Variants in ITGA2 observed in about 807,000 individuals in gnomAD.
ITGA2 encodes integrin alpha-2.
In ITGA2, 101 loss-of-function variants were observed where a neutral mutation model predicts 146.3. The ratio of observed to expected loss-of-function variants is 0.69; its 90% confidence interval spans 0.59 to 0.81. The LOEUF (loss-of-function observed/expected upper bound fraction) is 0.81, where lower values mean the gene tolerates loss of function less well. ITGA2 is among the 40% of genes least tolerant of loss of function. ITGA2 has a pLI of 0.00. For synonymous variants in ITGA2, 477 were observed against 487.1 expected (o/e 0.98, Z 0.27); for missense variants, 1,281 against 1,402.7 (o/e 0.91, Z 1.39).
intron 1 of ITGA2, among the ~76,000 whole-genome samples, chr5:53,008,040 T>C (rs1741942466): frequency 1.3e-5 from 2 of 152,040 alleles, no homozygotes; most frequent in Admixed American, 6.6e-5. Context: ...AAATAGTAAA[T>C]TGGAATTTTC....
intron 1 of ITGA2, among the ~76,000 whole-genome samples, chr5:52,995,413 G>T (rs1278709982): frequency 6.6e-6 from 1 of 152,176 alleles, no homozygotes; most frequent in Non-Finnish European, 1.5e-5. Flanking sequence ...TCAGATAGTG[G>T]CAGTAGGGAA....
At chr5:52,989,601 G>A in intron 1 of ITGA2, 69 bp downstream of exon 1, 3 of 1,548,000 alleles carry the variant, frequency 1.9e-6, no homozygotes, top group Non-Finnish European at 2.7e-6. Flanking sequence ...CTCGCTGGAG[G>A]GATTGGGCGG....
intron 1 of ITGA2, among the ~76,000 whole-genome samples, chr5:52,990,585 T>C (rs903276946): frequency 7.1e-6 from 1 of 140,862 alleles, no homozygotes; most frequent in African/African-American, 2.6e-5. Flanking sequence ...TTTTTTTTTT[T>C]TACAAAGAAG....
Position 53,065,905 on chromosome 5 carries a change from G to T in ITGA2, c.1871G>T (p.Gly624Val). The change falls in exon 15 of 30, where the codon GGC becomes GTC. Residue 624 changes from glycine (G) to valine (V), a missense_variant. By Grantham distance (109) the Gly-to-Val change is moderately radical (BLOSUM62 -3). Transcript: ENST00000296585. Reference protein sequence around the residue: ...HLQYFGRSLDGYGDLNGDSIT... With the variant: ...HLQYFGRSLDVYGDLNGDSIT... ...CAGTACTTTGGGAGGTCCTTGGATG[G>T]CTATGGAGATTTAAATGGGGATTCC... 1 of 1,612,210 alleles carries T rather than the reference G, an allele frequency of 6.2e-7. No homozygotes were observed. The highest frequency in any genetic ancestry group is 8.5e-7 in the Non-Finnish European group (1 of 1,178,810).
At chr5:53,020,782 A>G (rs28687256) in intron 1 of ITGA2, among the ~76,000 whole-genome samples, 119 of 151,498 alleles carry the variant, frequency 7.9e-4, no homozygotes, top group African/African-American at 2.8e-3. Flanking sequence ...TCCGGGCTCA[A>G]GTGATTAACC....
At chr5:53,005,618 T>G (rs1442595410) in intron 1 of ITGA2, among the ~76,000 whole-genome samples, 1 of 150,938 alleles carries the variant, frequency 6.6e-6, no homozygotes, top group African/African-American at 2.4e-5. Flanking sequence ...GATAATAAAT[T>G]GCTATGCCTT....
chr5:53,070,516 CATAG>C (rs1745339135), intron 17 of ITGA2, among the ~76,000 whole-genome samples: 1 of 151,874 alleles, frequency 6.6e-6, no homozygotes, highest in South Asian at 2.1e-4. Flanking sequence ...TTAAAGAAAT[CATAG>C]ATACAGTGTT....
chr5:53,067,968 C>CAT, intron 16 of ITGA2, among the ~76,000 whole-genome samples: 1 of 152,046 alleles, frequency 6.6e-6, no homozygotes, highest in East Asian at 1.9e-4. Context: ...ATTATCTCAC[C>CAT]ATGCTCAATG....
At chr5:53,084,669 C>T (rs1398843354) in intron 27 of ITGA2, among the ~76,000 whole-genome samples, 1 of 149,154 alleles carries the variant, frequency 6.7e-6, no homozygotes, top group Non-Finnish European at 1.5e-5. Flanking sequence ...TGAAGCGTGC[C>T]GTTAGTTGTT....
Position 53,062,688 on chromosome 5 carries a change from C to A in ITGA2, c.1459-98C>A, listed in dbSNP as rs549482329. ...AAGCACTTTGCAAATAGTAAACACT[C>A]AATTTTTGTGTATTGAATGAGCAAG... On this transcript the variant is annotated intron_variant, in intron 12 of 29. Coordinates refer to ENST00000296585, the MANE Select transcript of ITGA2 (RefSeq NM_002203.4). 6.8e-6 allele frequency: 9 copies of A among 1,333,296 alleles called. No individual in the cohort carries two copies. In the South Asian group the frequency reaches 9.5e-5, roughly 14 times the overall value. 82.6% of individuals were successfully genotyped at this position (1,333,296 alleles called of 1,614,324 possible).
chr5:52,993,907 CTGAT>C (rs1416858832), intron 1 of ITGA2, among the ~76,000 whole-genome samples: 2 of 152,156 alleles, frequency 1.3e-5, no homozygotes, highest in African/African-American at 4.8e-5. Flanking sequence ...GATCACCGCT[CTGAT>C]TGGCAAGTGA....
intron 8 of ITGA2, 23 bp downstream of exon 8, chr5:53,055,711 T>C (rs1744597800): frequency 6.2e-7 from 1 of 1,611,982 alleles, no homozygotes; most frequent in African/African-American, 1.3e-5. Flanking sequence ...TCTTTTCACT[T>C]GTCTTGCCGC....
At chr5:53,047,394 G>A (rs756526319) in intron 4 of ITGA2, among the ~76,000 whole-genome samples, 2 of 152,014 alleles carry the variant, frequency 1.3e-5, no homozygotes, top group Non-Finnish European at 2.9e-5. Context: ...GGAGTTTTTG[G>A]CATTCAAGGA....
intron 1 of ITGA2, among the ~76,000 whole-genome samples, chr5:53,003,125 T>C (rs751725196): frequency 6.6e-6 from 1 of 152,118 alleles, no homozygotes; most frequent in South Asian, 2.1e-4. Context: ...AAGCTACCCA[T>C]TGGGGCTCCC....
intron 9 of ITGA2, among the ~76,000 whole-genome samples, chr5:53,056,557 TATTAGAATC>T (rs1744645316): frequency 6.6e-6 from 1 of 151,994 alleles, no homozygotes. Context: ...AATATCTATC[TATTAGAATC>T]ATAAATAGTT....
At chr5:53,082,588 C>T (rs1451047966) in intron 26 of ITGA2, among the ~76,000 whole-genome samples, 1 of 151,998 alleles carries the variant, frequency 6.6e-6, no homozygotes, top group Non-Finnish European at 1.5e-5. Context: ...CCCATATACC[C>T]CCTGTCCCAC....
At position 53,007,671 on chromosome 5, in the gene ITGA2, G is replaced by A. The variant is rs557279445; in HGVS notation, c.64+18139G>A. ...GTCTTCCTCTCAGCCACTGAGAGACGGCAAGTCTACCAGATGGTGGCTTAC... is the reference window on the plus strand; with the variant it reads ...GTCTTCCTCTCAGCCACTGAGAGACAGCAAGTCTACCAGATGGTGGCTTAC... On this transcript the variant is annotated intron_variant, in intron 1 of 29. Coordinates refer to ENST00000296585, the MANE Select transcript of ITGA2 (RefSeq NM_002203.4). Among the ~76,000 whole-genome samples the A allele has an allele frequency of 6.4e-4, 98 of 152,162 alleles. 1 individual carries two copies. Among genetic ancestry groups the A allele is most frequent in the Middle Eastern group, 6.8e-3 (2 of 292 alleles).
intron 15 of ITGA2, 54 bp downstream of exon 15, chr5:53,066,031 C>T: frequency 1.3e-6 from 2 of 1,522,488 alleles, no homozygotes; most frequent in Non-Finnish European, 1.8e-6. Context: ...GCTAAGAAAG[C>T]AGAACAGATG....
At chr5:53,074,920 T>C (rs746228667) in intron 21 of ITGA2, 141 bp from the exon 22 acceptor site, 2 of 656,508 alleles carry the variant, frequency 3.0e-6, no homozygotes, top group Admixed American at 2.7e-5. Context: ...ATAAAGATAT[T>C]CCACAAATTT....
Sources: allele counts gnomAD v4.1 joint callset (sites outside exome capture counted in the v4.1 genomes callset), GRCh38; gene constraint gnomAD v4.1.1; transcripts MANE v1.5; gene names NCBI Gene and HGNC (gene_info 2026-07-23, HGNC 2026-07-21).